SPATA7: variants seen among roughly 807,000 people sequenced by gnomAD.
SPATA7 encodes the protein spermatogenesis-associated protein 7.
A neutral mutation model predicts 51.8 loss-of-function variants in SPATA7; 43 were observed. That is an observed-to-expected ratio of 0.83 (90% CI 0.65 to 1.07). The LOEUF (loss-of-function observed/expected upper bound fraction) is 1.07, where lower values mean the gene tolerates loss of function less well. Ranked by LOEUF, SPATA7 falls within the 50% of genes least tolerant of loss-of-function variation. The pLI is 0.00. For synonymous variants in SPATA7, 230 were observed against 252.8 expected, an observed-to-expected ratio of 0.91 and a Z score of 0.86; for missense variants, 683 against 701.3, an observed-to-expected ratio of 0.97 and a Z score of 0.30.
downstream of SPATA7, among the ~76,000 whole-genome samples, chr14:88,455,617 C>T (rs2077279057): frequency 2.0e-5 from 3 of 152,052 alleles, no homozygotes; most frequent in Non-Finnish European, 4.4e-5. Flanking sequence ...GAATTAAGCT[C>T]TTCTGATTAT....
Position 88,426,767 on chromosome 14 carries a change from A to G in SPATA7, c.845+63A>G, listed in dbSNP as rs905635812. On this transcript the variant is annotated intron_variant, in intron 6 of 11. Coordinates refer to ENST00000393545, the MANE Select transcript of SPATA7 (RefSeq NM_018418.5). ...AAATTAAATGAAAATTAATGAATTA[A>G]TATTCCTTGTTTTCTGCTGCCAGCC... 80 of 1,422,588 alleles carry G rather than the reference A, an allele frequency of 5.6e-5. No individual in the cohort carries two copies. The Middle Eastern group carries it at 9.8e-4, about 17-fold the overall frequency. The allele number at this position is 1,422,588 out of a possible 1,614,324, so 88.1% of individuals were successfully genotyped here.
chr14:88,446,681 G>A (rs1414119974), intron 3 of SPATA7, among the ~76,000 whole-genome samples: 1 of 152,056 alleles, frequency 6.6e-6, no homozygotes, highest in African/African-American at 2.4e-5. Context: ...CTGGTATGTG[G>A]TGTCTTTGTT....
chr14:88,399,012 A>G (rs939539849), intron 4 of SPATA7, among the ~76,000 whole-genome samples: 2 of 151,290 alleles, frequency 1.3e-5, no homozygotes, highest in Non-Finnish European at 2.9e-5. Flanking sequence ...AGATGATGCC[A>G]CTGCACTCCA....
intron 4 of SPATA7, among the ~76,000 whole-genome samples, chr14:88,463,432 T>C (rs2077330061): frequency 6.6e-6 from 1 of 152,206 alleles, no homozygotes; most frequent in Non-Finnish European, 1.5e-5. Context: ...AGTTGCTTTC[T>C]GAGTCTTGGT....
chr14:88,457,952 C>A (rs1099695), downstream of SPATA7, among the ~76,000 whole-genome samples: 143,136 of 152,036 alleles, frequency 0.94, 67,800 homozygotes, highest in Non-Finnish European at 0.99. Context: ...GTTGAATTTT[C>A]TCAAAGGCCT....
chr14:88,465,094 G>A (rs2077347680), intron 4 of SPATA7, among the ~76,000 whole-genome samples: 1 of 152,216 alleles, frequency 6.6e-6, no homozygotes, highest in Non-Finnish European at 1.5e-5. Context: ...CTAAGTTCTA[G>A]CATTTTCTGA....
intron 10 of SPATA7, among the ~76,000 whole-genome samples, 195 bp from the exon 11 acceptor site, chr14:88,437,348 C>A (rs2140028105): frequency 6.6e-6 from 1 of 151,926 alleles, no homozygotes; most frequent in East Asian, 1.9e-4. Context: ...TACAGTCTTT[C>A]AGAAATATGT....
At chr14:88,387,654 G>A (rs531742414) in intron 1 of SPATA7, among the ~76,000 whole-genome samples, 1 of 152,206 alleles carries the variant, frequency 6.6e-6, no homozygotes, top group East Asian at 1.9e-4. Context: ...CTAAATGGTG[G>A]TATAGTACAG....
chr14:88,463,060 G>T (rs1373807409), intron 4 of SPATA7, among the ~76,000 whole-genome samples: 1 of 152,120 alleles, frequency 6.6e-6, no homozygotes, highest in Non-Finnish European at 1.5e-5. Context: ...TGTGCAGACA[G>T]ACCTTAATTT....
Position 88,429,356 on chromosome 14 carries a change from T to C in SPATA7, c.921T>C (p.Asn307=). The change falls in exon 8 of 12, where the codon AAT becomes AAC. Residue 307 remains asparagine (N), a synonymous_variant. Transcript: ENST00000393545. ...TTTTATTGCATCCCCAGGCATCTAA[T>C]TGTGTGACATATGATGCCAAAGAAA... is the stretch of plus-strand genomic sequence containing the variant. ...DSEMNIKQAS[N]CVTYDAKEKI... 1 of 1,601,466 alleles carries C rather than the reference T, an allele frequency of 6.2e-7. No individual in the cohort carries two copies. Among genetic ancestry groups the C allele is most frequent in the East Asian group, 2.2e-5 (1 of 44,726 alleles).
At chr14:88,423,125 T>C (rs1252080277) in intron 5 of SPATA7, among the ~76,000 whole-genome samples, 1 of 152,166 alleles carries the variant, frequency 6.6e-6, no homozygotes, top group Non-Finnish European at 1.5e-5. Context: ...CCTGTAACTC[T>C]TGAGTCATTC....
At chr14:88,446,469 G>C (rs1206398003) in intron 3 of SPATA7, among the ~76,000 whole-genome samples, 1 of 151,832 alleles carries the variant, frequency 6.6e-6, no homozygotes. Flanking sequence ...AGGGTTTTTT[G>C]TGTCTCTATT....
intron 5 of SPATA7, among the ~76,000 whole-genome samples, chr14:88,421,750 A>G (rs1172588144): frequency 6.6e-6 from 1 of 152,092 alleles, no homozygotes. Flanking sequence ...GGAGTTCGAG[A>G]CCAGCCTGGC....
Position 88,438,017 on chromosome 14 carries a change from A to G in SPATA7, c.1395A>G (p.Gln465=), listed in dbSNP as rs1288365857. Residue 465 remains glutamine (Q), a synonymous_variant, in exon 12 of 12, where the codon CAA becomes CAG. Transcript: ENST00000393545. ...AAGTAACAATTCAGCAGGAACGTCA[A>G]CAATACCAAAAGGCTTTGGATATGT... The part of the protein sequence containing the change: ...ESEVTIQQER[Q]QYQKALDMLL... The G allele has an allele frequency of 1.2e-6, 2 of 1,614,142 alleles. No homozygotes were observed. Among genetic ancestry groups the G allele is most frequent in the Middle Eastern group, 1.6e-4 (1 of 6,062 alleles).
At position 88,435,316 on chromosome 14, in the gene SPATA7, A is replaced by G. The variant is rs958276394; in HGVS notation, c.1160+2104A>G. ...TTTAAAATTTTGTGAGGTACACAGT[A>G]GGTATGTATATTTAAGGGGTACATG... On this transcript the variant is annotated intron_variant, in intron 10 of 11. Transcript: ENST00000393545. Among the ~76,000 whole-genome samples the G allele has an allele frequency of 3.9e-5, 6 of 152,150 alleles. No individual in the cohort carries two copies. In the South Asian group the frequency reaches 6.2e-4, roughly 16 times the overall value.
intron 7 of SPATA7, 168 bp downstream of exon 7, chr14:88,427,864 G>T: frequency 1.7e-6 from 1 of 572,136 alleles, no homozygotes; most frequent in Non-Finnish European, 3.2e-6. Context: ...AATGGTTATA[G>T]CTCTCTCTGA....
rs1444820593 is a variant in SPATA7 at position 88,469,605 on chromosome 14, G to A, written c.255-242G>A. Reference sequence around the variant, plus strand: ...CAGTAAGGAGGTGCTTCATCTTCAGGCCTGTGGTGGCATAGCAGCCAGAGT... The same window carrying A: ...CAGTAAGGAGGTGCTTCATCTTCAGACCTGTGGTGGCATAGCAGCCAGAGT... On this transcript the variant is annotated intron_variant, in intron 4 of 4. Coordinates refer to the SPATA7 transcript ENST00000556406. This position sits in a 1 kb window ranked among gnomAD's most constrained non-coding sequence, Gnocchi z 4.3. The A allele has an allele frequency of 4.3e-6, 7 of 1,614,072 alleles. No individual in the cohort carries two copies. Among genetic ancestry groups the A allele is most frequent in the Non-Finnish European group, 5.9e-6 (7 of 1,180,018 alleles).
exon 5 of SPATA7, chr14:88,470,061 A>C: frequency 6.2e-7 from 1 of 1,609,812 alleles, no homozygotes; most frequent in African/African-American, 1.3e-5. Flanking sequence ...CTGGGATTAG[A>C]AAAGGTTAAA....
chr14:88,390,412 T>C (rs962933093), intron 1 of SPATA7, among the ~76,000 whole-genome samples: 3 of 152,106 alleles, frequency 2.0e-5, no homozygotes, highest in Non-Finnish European at 2.9e-5. Flanking sequence ...GGTTCCTTTA[T>C]AAGGTTCAGG....
Sources: gnomAD v4.1 joint callset for allele counts (sites outside exome capture counted in the v4.1 genomes callset) on GRCh38, gnomAD v4.1.1 for gene constraint, Gnocchi (gnomAD v3.1) non-coding constraint, MANE v1.5 for transcripts, NCBI Gene and HGNC (gene_info 2026-07-23, HGNC 2026-07-21) for gene names.